The following SEMA3E variants were observed in gnomAD, a reference collection of about 807,000 sequenced individuals.
SEMA3E encodes semaphorin-3E.
Under a neutral mutation model 93.6 loss-of-function variants are expected in SEMA3E, and 49 were observed. The observed-to-expected ratio is 0.52, with a 90% confidence interval of 0.42 to 0.66. The LOEUF (loss-of-function observed/expected upper bound fraction) is 0.66. Among genes scored for constraint, SEMA3E ranks in the 30% least tolerant of loss-of-function variants. SEMA3E has a pLI of 0.00. For synonymous variants in SEMA3E, 363 were observed against 330.7 expected, an observed-to-expected ratio of 1.10 and a Z score of -1.06; for missense variants, 906 against 964.8, an observed-to-expected ratio of 0.94 and a Z score of 0.81.
At chr7:83,469,434 T>C in intron 2 of SEMA3E, 132 bp from the exon 3 acceptor site, 3 of 622,602 alleles carry the variant, frequency 4.8e-6, no homozygotes, top group Non-Finnish European at 8.5e-6. Flanking sequence ...TAAGATACAG[T>C]GGGTCTTTGT....
chr7:83,621,091 CA>C (rs1793547658), intron 1 of SEMA3E, among the ~76,000 whole-genome samples: 1 of 152,040 alleles, frequency 6.6e-6, no homozygotes, highest in Non-Finnish European at 1.5e-5. Flanking sequence ...TATATCTAGA[CA>C]ATCCTACCAT....
At chr7:83,407,896 G>T (rs1393033865) in intron 6 of SEMA3E, among the ~76,000 whole-genome samples, 3 of 152,088 alleles carry the variant, frequency 2.0e-5, no homozygotes, top group Non-Finnish European at 4.4e-5. Flanking sequence ...CCATATACCA[G>T]TGTGCCAAAA....
At chr7:83,412,121 T>C (rs1788449664) in intron 5 of SEMA3E, among the ~76,000 whole-genome samples, 1 of 152,136 alleles carries the variant, frequency 6.6e-6, no homozygotes, top group Non-Finnish European at 1.5e-5. Context: ...CTCTGCTCTT[T>C]GGCCTAGAAT....
intron 2 of SEMA3E, among the ~76,000 whole-genome samples, chr7:83,472,892 G>A (rs1789931837): frequency 6.6e-6 from 1 of 152,176 alleles, no homozygotes; most frequent in South Asian, 2.1e-4. Flanking sequence ...ATAAGGGGCT[G>A]TTCCCCCTTG....
chr7:83,366,098 A>G lies in SEMA3E; in HGVS notation c.*1488T>C, dbSNP rs1794662663. 2 of 152,110 alleles carry G rather than the reference A, an allele frequency of 1.3e-5. No individual in the cohort carries two copies. 9.4% of individuals were successfully genotyped at this position (152,110 alleles called of 1,614,324 possible). On this transcript the variant is annotated 3_prime_UTR_variant, in exon 17 of 17. Transcript: ENST00000643230. ...TATTTATGTATTTGTTCATTTTACA[A>G]TGAAATTGCAAGTGATTATGAGCAC...
At chr7:83,508,429 A>G (rs1247491754) in intron 1 of SEMA3E, among the ~76,000 whole-genome samples, 1 of 151,850 alleles carries the variant, frequency 6.6e-6, no homozygotes, top group African/African-American at 2.4e-5. Context: ...CACCCGGCTA[A>G]TTTTGTGTTT....
chr7:83,384,616 T>A (rs1018122256), intron 16 of SEMA3E, among the ~76,000 whole-genome samples: 1 of 152,056 alleles, frequency 6.6e-6, no homozygotes, highest in Non-Finnish European at 1.5e-5. Flanking sequence ...TGCCCTGGAC[T>A]CTTTCTATAG....
At chr7:83,483,398 A>T (rs1393884330) in intron 2 of SEMA3E, among the ~76,000 whole-genome samples, 2 of 152,196 alleles carry the variant, frequency 1.3e-5, no homozygotes, top group African/African-American at 4.8e-5. Context: ...GGTATGTGTC[A>T]TCATATCATA....
chr7:83,607,889 A>G (rs566210595), intron 1 of SEMA3E, among the ~76,000 whole-genome samples: 9 of 152,140 alleles, frequency 5.9e-5, no homozygotes, highest in Non-Finnish European at 1.2e-4. Flanking sequence ...TTTTAATTAG[A>G]GGTGTGGTAT....
At chr7:83,372,157 A>G in intron 16 of SEMA3E, 1 of 396,906 alleles carries the variant, frequency 2.5e-6, no homozygotes, top group Non-Finnish European at 4.4e-6. Flanking sequence ...GACATATCCA[A>G]AAGATATTAA....
At chr7:83,613,465 T>C (rs371853354) in intron 1 of SEMA3E, among the ~76,000 whole-genome samples, 1 of 152,068 alleles carries the variant, frequency 6.6e-6, no homozygotes, top group South Asian at 2.1e-4. Context: ...GTGCTCTTTC[T>C]TTACTCATTT....
intron 4 of SEMA3E, among the ~76,000 whole-genome samples, chr7:83,433,775 G>A (rs139096921): frequency 1.4e-4 from 21 of 152,122 alleles, no homozygotes; most frequent in African/African-American, 4.8e-4. Flanking sequence ...GATACATACC[G>A]AGCAAATAAG....
In SEMA3E at chr7:83,524,621, TG is replaced by T. The variant is rs1449886439; in HGVS notation, c.116-34348del. Among the ~76,000 whole-genome samples, 5 of 152,094 alleles carry T rather than the reference TG, an allele frequency of 3.3e-5. No homozygotes were observed. In the East Asian group the frequency reaches 5.8e-4, roughly 18 times the overall value. On this transcript the variant is annotated intron_variant, in intron 1 of 16. Coordinates refer to ENST00000643230, the MANE Select transcript of SEMA3E (RefSeq NM_012431.3). ...TTGTGACATTTTAAAAGCTTATCCC[TG>T]AAAAAAAGTTATACATGATATAAAT...
chr7:83,546,198 A>G (rs1223514106), intron 1 of SEMA3E, among the ~76,000 whole-genome samples: 1 of 150,092 alleles, frequency 6.7e-6, no homozygotes, highest in African/African-American at 2.5e-5. Flanking sequence ...ATGTTCCACT[A>G]AAACACCAAT....
intron 2 of SEMA3E, among the ~76,000 whole-genome samples, chr7:83,489,551 A>G (rs1414962903): frequency 6.6e-6 from 1 of 152,130 alleles, no homozygotes; most frequent in Non-Finnish European, 1.5e-5. Flanking sequence ...ATATGAGTCT[A>G]AGAAAATTTG....
intron 1 of SEMA3E, among the ~76,000 whole-genome samples, chr7:83,538,448 T>C (rs1791451331): frequency 6.6e-6 from 1 of 152,184 alleles, no homozygotes; most frequent in Non-Finnish European, 1.5e-5. Context: ...ATGTTGAGCA[T>C]CTTTTCATGT....
At chr7:83,391,594 T>C (rs908663441) in intron 14 of SEMA3E, among the ~76,000 whole-genome samples, 4 of 100,654 alleles carry the variant, frequency 4.0e-5, no homozygotes, top group Non-Finnish European at 1.0e-4. Flanking sequence ...ATCCACTTAT[T>C]ATATCATTTT....
intron 14 of SEMA3E, among the ~76,000 whole-genome samples, chr7:83,389,900 T>C (rs55942875): frequency 8.3e-6 from 1 of 120,654 alleles, no homozygotes; most frequent in African/African-American, 2.8e-5. Context: ...ATATATTACA[T>C]GTATACATAT....
At chr7:83,393,468 G>A (rs1183460887) in intron 13 of SEMA3E, among the ~76,000 whole-genome samples, 1 of 152,160 alleles carries the variant, frequency 6.6e-6, no homozygotes, top group African/African-American at 2.4e-5. Flanking sequence ...GGTTGAGTCT[G>A]CAGTGAGCTG....
Sources: gnomAD v4.1 joint callset for allele counts (sites outside exome capture counted in the v4.1 genomes callset) on GRCh38, gnomAD v4.1.1 for gene constraint, MANE v1.5 for transcripts, NCBI Gene and HGNC (gene_info 2026-07-23, HGNC 2026-07-21) for gene names.